STAG1: variants seen among roughly 807,000 people sequenced by gnomAD.
STAG1 encodes the protein STAG1 cohesin complex component, also known as cohesin subunit SA-1.
Under a neutral mutation model 170.9 loss-of-function variants are expected in STAG1, and 26 were observed. The observed-to-expected ratio is 0.15, with a 90% CI of 0.11 to 0.21. The LOEUF is 0.21. Among genes scored for constraint, STAG1 ranks in the 10% least tolerant of loss-of-function variants. The probability of loss-of-function intolerance (pLI) is 1.00; values close to 1 mark genes in which losing one functional copy is unlikely to be tolerated. For synonymous variants in STAG1, 514 were observed against 497.7 expected (o/e 1.03, Z -0.44); for missense variants, 964 against 1,509.5 (o/e 0.64, Z 5.99).
intron 7 of STAG1, among the ~76,000 whole-genome samples, chr3:136,506,362 G>C (rs934258025): frequency 6.6e-6 from 1 of 151,828 alleles, no homozygotes; most frequent in African/African-American, 2.4e-5. Flanking sequence ...CAGGCGAGGG[G>C]GCTCACGCCT....
At chr3:136,642,141 T>C (rs1038978542) in intron 1 of STAG1, among the ~76,000 whole-genome samples, 2 of 152,180 alleles carry the variant, frequency 1.3e-5, no homozygotes, top group African/African-American at 4.8e-5. Flanking sequence ...ATATGGTGTC[T>C]ATCTCTTGAA....
intron 16 of STAG1, among the ~76,000 whole-genome samples, chr3:136,428,863 G>A (rs1444368202): frequency 2.0e-5 from 3 of 152,170 alleles, no homozygotes; most frequent in African/African-American, 7.2e-5. Flanking sequence ...AGCCAGGAAT[G>A]AGGGCTCACG....
intron 7 of STAG1, among the ~76,000 whole-genome samples, chr3:136,520,618 C>T (rs991135303): frequency 6.6e-6 from 1 of 152,076 alleles, no homozygotes; most frequent in Non-Finnish European, 1.5e-5. Flanking sequence ...AGTTGGTTGA[C>T]AAGTTGTCAT....
intron 15 of STAG1, among the ~76,000 whole-genome samples, chr3:136,434,615 CAGA>C (rs1254675641): frequency 2.0e-5 from 3 of 152,140 alleles, no homozygotes; most frequent in Non-Finnish European, 4.4e-5. Context: ...CATTTGTTAT[CAGA>C]CTCTTCATGG....
At chr3:136,342,508 CAG>C (rs1560044710) in intron 30 of STAG1, among the ~76,000 whole-genome samples, 2 of 149,950 alleles carry the variant, frequency 1.3e-5, no homozygotes. Flanking sequence ...GGTGTTGAGA[CAG>C]AGTCTGTGTC....
chr3:136,365,035 T>C (rs971605945), intron 25 of STAG1, among the ~76,000 whole-genome samples: 24 of 152,148 alleles, frequency 1.6e-4, no homozygotes, highest in Admixed American at 9.8e-4. Flanking sequence ...AAAAGCCACA[T>C]AGCCATATAT....
chr3:136,447,515 ATTATCCAGAAATGTTCTGGG>A (rs1223703060), intron 14 of STAG1, among the ~76,000 whole-genome samples: 1 of 151,482 alleles, frequency 6.6e-6, no homozygotes, highest in African/African-American at 2.4e-5. Flanking sequence ...ATACTGCCAG[ATTATCCAGAAATGTTCTGGG>A]TTGTTCTTGT....
At position 136,342,647 on chromosome 3, in the gene STAG1, A is replaced by G. The variant is rs538329128; in HGVS notation, c.3447-1096T>C. Among the ~76,000 whole-genome samples, 24 of 152,392 alleles carry G rather than the reference A, an allele frequency of 1.6e-4. No homozygotes were observed. In the South Asian group the frequency reaches 1.7e-3, roughly 11 times the overall value. On this transcript the variant is annotated intron_variant, in intron 30 of 33. Coordinates refer to ENST00000383202, the MANE Select transcript of STAG1 (RefSeq NM_005862.3). ...CAGGCGTGTGCCACCATACCCATAC[A>G]TTTATAGGATGTAAACTTTAGTGGT...
At chr3:136,543,577 G>T (rs1419011527) in intron 5 of STAG1, among the ~76,000 whole-genome samples, 1 of 152,102 alleles carries the variant, frequency 6.6e-6, no homozygotes. Context: ...TCCTAGAGTG[G>T]CTCAATGTCT....
At chr3:136,401,242 G>A (rs2108345554) in intron 21 of STAG1, among the ~76,000 whole-genome samples, 1 of 152,226 alleles carries the variant, frequency 6.6e-6, no homozygotes, top group South Asian at 2.1e-4. Flanking sequence ...ATGTTTTATT[G>A]CAGTAAGATA....
chr3:136,453,018 G>C (rs1008607834), intron 13 of STAG1, among the ~76,000 whole-genome samples: 1 of 152,056 alleles, frequency 6.6e-6, no homozygotes, highest in African/African-American at 2.4e-5. Flanking sequence ...TCGAACTCCT[G>C]ACCTCAAGTG....
intron 21 of STAG1, among the ~76,000 whole-genome samples, chr3:136,406,533 A>C (rs902952163): frequency 3.9e-5 from 6 of 152,204 alleles, no homozygotes; most frequent in Admixed American, 3.9e-4. Flanking sequence ...ATAAATAAAA[A>C]ATTAGTCATT....
chr3:136,713,653 T>C (rs939482703), intron 1 of STAG1, among the ~76,000 whole-genome samples: 1 of 151,708 alleles, frequency 6.6e-6, no homozygotes, highest in African/African-American at 2.4e-5. Context: ...TTTAGGAGAC[T>C]GAGGCAGGAG....
chr3:136,475,587 C>A (rs1430911715), intron 10 of STAG1, among the ~76,000 whole-genome samples: 1 of 152,114 alleles, frequency 6.6e-6, no homozygotes, highest in Non-Finnish European at 1.5e-5. Flanking sequence ...TAATGGGATT[C>A]TGGGATTGGA....
intron 9 of STAG1, among the ~76,000 whole-genome samples, chr3:136,490,143 C>G (rs532418833): frequency 2.0e-5 from 3 of 152,048 alleles, no homozygotes; most frequent in Non-Finnish European, 4.4e-5. Flanking sequence ...CGGGTTCAAG[C>G]GATTCTCCTG....
chr3:136,688,224 T>C (rs367614256), intron 1 of STAG1, among the ~76,000 whole-genome samples: 6 of 151,994 alleles, frequency 3.9e-5, no homozygotes, highest in East Asian at 3.9e-4. Flanking sequence ...CATGTCGACA[T>C]AGGGACTGGC....
intron 23 of STAG1, among the ~76,000 whole-genome samples, chr3:136,373,282 A>AT (rs1185160801): frequency 2.0e-5 from 3 of 151,038 alleles, no homozygotes; most frequent in Admixed American, 2.0e-4. Context: ...AATTTTGTTG[A>AT]TTTTTTCAAA....
At chr3:136,430,717 G>A in intron 16 of STAG1, among the ~76,000 whole-genome samples, 1 of 150,638 alleles carries the variant, frequency 6.6e-6, no homozygotes, top group East Asian at 2.0e-4. Context: ...TGGGCCACAT[G>A]CAGCCTGCAG....
intron 16 of STAG1, among the ~76,000 whole-genome samples, chr3:136,429,236 G>A (rs919580790): frequency 6.6e-6 from 1 of 152,162 alleles, no homozygotes; most frequent in Non-Finnish European, 1.5e-5. Context: ...GCGAAACCCT[G>A]TGTCTACTAA....
Sources: gnomAD v4.1 joint callset for allele counts (sites outside exome capture counted in the v4.1 genomes callset) on GRCh38, gnomAD v4.1.1 for gene constraint, MANE v1.5 for transcripts, NCBI Gene and HGNC (gene_info 2026-07-23, HGNC 2026-07-21) for gene names.